The following TFAP2A variants were observed in gnomAD, a reference collection of about 807,000 sequenced individuals.
TFAP2A encodes the protein transcription factor AP-2 alpha.
A neutral mutation model predicts 41.5 loss-of-function variants in TFAP2A; 7 were observed. That is an observed-to-expected ratio of 0.17 (90% CI 0.10 to 0.32). The LOEUF (loss-of-function observed/expected upper bound fraction) is 0.32, where lower values mean the gene tolerates loss of function less well. TFAP2A is among the 10% of genes least tolerant of loss of function. The pLI is 1.00. For missense variants in TFAP2A, 416 were observed against 563.3 expected (o/e 0.74, Z 2.65); for synonymous variants, 247 against 242.8 (o/e 1.02, Z -0.16).
chr6:10,409,759 C>G, intron 2 of TFAP2A, 142 bp downstream of exon 2: 1 of 1,066,142 alleles, frequency 9.4e-7, no homozygotes, highest in Non-Finnish European at 1.4e-6. Flanking sequence ...ACGTCCCTCA[C>G]TCTCCGCCTC....
chr6:10,419,471 G>T (rs1561721127), upstream of TFAP2A: 1 of 1,614,106 alleles, frequency 6.2e-7, no homozygotes, highest in Non-Finnish European at 8.5e-7. Context: ...CGCTCCTGGC[G>T]ACTGGTCCCC....
chr6:10,404,394 G>A (rs1328521625), intron 4 of TFAP2A, 114 bp downstream of exon 4: 3 of 481,234 alleles, frequency 6.2e-6, no homozygotes, highest in Non-Finnish European at 8.7e-6. Context: ...TTCCTTTCCC[G>A]CGTAGGGAGG....
rs554417616 is a variant in TFAP2A, at chr6:10,415,011, T to C, written c.-20A>G. The C allele has an allele frequency of 6.2e-7, 1 of 1,613,978 alleles. No individual in the cohort carries two copies. Among genetic ancestry groups the C allele is most frequent in the Non-Finnish European group, 8.5e-7 (1 of 1,180,028 alleles). ...TTTCATGGATCGGCGTGAACGGATA[T>C]GCCCCTCTCGGTCTCGCACCCAAGT... On this transcript the variant is annotated 5_prime_UTR_variant, in exon 1 of 7. Transcript: ENST00000379613.
At chr6:10,404,939 C>T (rs534422306) in intron 3 of TFAP2A, 200 bp from the exon 4 acceptor site, 3 of 607,254 alleles carry the variant, frequency 4.9e-6, no homozygotes, top group South Asian at 4.0e-5. Context: ...ACCCGGCGGC[C>T]GGGAGGCGGC....
upstream of TFAP2A, chr6:10,415,094 GGAGGAGGAGGGA>G: frequency 6.2e-7 from 1 of 1,609,124 alleles, no homozygotes; most frequent in Non-Finnish European, 8.5e-7. Context: ...CGCAGGAGGA[GGAGGAGGAGGGA>G]GAGGAGGTGG....
At chr6:10,409,839 C>T in intron 2 of TFAP2A, 62 bp downstream of exon 2, 1 of 1,529,688 alleles carries the variant, frequency 6.5e-7, no homozygotes, top group Non-Finnish European at 8.8e-7. Context: ...TCCAGGTATC[C>T]TTTCTGGGGT....
In TFAP2A at chr6:10,398,720, G is replaced by T. The variant is rs781166078; in HGVS notation, c.1032-15C>A. ...TGCATATCTGTCTGCAGCACAAGTG[G>T]AGCAGAGAGAGAGACATAAGGCTCC... On this transcript the variant is annotated splice_polypyrimidine_tract_variant and intron_variant, in intron 6 of 6. Transcript: ENST00000379613. This position sits in a 1 kb window ranked among gnomAD's most constrained non-coding sequence, Gnocchi z 5.3. 2 of 1,613,722 alleles carry T rather than the reference G, an allele frequency of 1.2e-6. No individual in the cohort carries two copies. The highest frequency in any genetic ancestry group is 8.5e-7 in the Non-Finnish European group (1 of 1,179,816).
intron 3 of TFAP2A, 125 bp from the exon 4 acceptor site, chr6:10,404,864 G>T: frequency 1.2e-6 from 1 of 818,018 alleles, no homozygotes. Flanking sequence ...CCGCTTTTCC[G>T]TCCGGCTCTG....
intron 6 of TFAP2A, among the ~76,000 whole-genome samples, chr6:10,399,864 C>T (rs78605333): frequency 0.015 from 2,305 of 152,162 alleles, 60 homozygotes; most frequent in African/African-American, 0.053. Flanking sequence ...TTTGACTTCT[C>T]GCCTGTGGGC....
intron 3 of TFAP2A, 75 bp from the exon 4 acceptor site, chr6:10,404,814 T>C: frequency 7.2e-7 from 1 of 1,386,026 alleles, no homozygotes; most frequent in Middle Eastern, 1.9e-4. Flanking sequence ...CCGGCCCTCA[T>C]CCCGGCCAGG....
At chr6:10,409,723 G>A (rs895580694) in intron 2 of TFAP2A, 178 bp downstream of exon 2, 3 of 712,760 alleles carry the variant, frequency 4.2e-6, no homozygotes, top group African/African-American at 1.8e-5. Flanking sequence ...GGTAGAACTC[G>A]CAACTACTTT....
At chr6:10,401,857 T>A (rs556009936) in intron 5 of TFAP2A, among the ~76,000 whole-genome samples, 1 of 152,236 alleles carries the variant, frequency 6.6e-6, no homozygotes, top group Non-Finnish European at 1.5e-5. Flanking sequence ...AGGATAAGGG[T>A]TGGCTTTTTG....
At chr6:10,419,407 AC>A (rs772007223), upstream of TFAP2A, 16 of 1,612,160 alleles carry the variant, frequency 9.9e-6, no homozygotes, top group East Asian at 6.7e-5. Flanking sequence ...GCCAAGGCAA[AC>A]CCCCCGTACC....
intron 1 of TFAP2A, chr6:10,412,207 G>A (rs576989721): frequency 3.8e-5 from 38 of 987,130 alleles, no homozygotes; most frequent in Non-Finnish European, 9.6e-6. Flanking sequence ...AAGCGAGCGA[G>A]AGAGGGAGCG....
Position 10,398,181 on chromosome 6 carries a change from G to A in TFAP2A, c.*236C>T. On this transcript the variant is annotated 3_prime_UTR_variant, in exon 7 of 7. Transcript: ENST00000379613. This position sits in a 1 kb window ranked among gnomAD's most constrained non-coding sequence, Gnocchi z 5.3. ...CTCCACATGAGGGCACAGGGGTGTG[G>A]GAGCGGGTGGGGAGGTCGAGGCGGG... 1 of 1,442,896 alleles carries A rather than the reference G, an allele frequency of 6.9e-7. No homozygotes were observed. The highest frequency in any genetic ancestry group is 9.1e-7 in the Non-Finnish European group (1 of 1,101,898). 89.4% of individuals were successfully genotyped at this position (1,442,896 alleles called of 1,614,324 possible).
chr6:10,405,014 G>C, intron 3 of TFAP2A: 2 of 545,044 alleles, frequency 3.7e-6, no homozygotes, highest in African/African-American at 1.9e-5. Flanking sequence ...CGCCGTCAAG[G>C]GTGCTCTCTA....
chr6:10,408,115 A>G (rs1757795996), intron 2 of TFAP2A, among the ~76,000 whole-genome samples: 1 of 152,260 alleles, frequency 6.6e-6, no homozygotes. Context: ...TAATGATTAA[A>G]TAATTTTCAC....
chr6:10,415,077 C>T (rs771512288), upstream of TFAP2A: 5 of 1,610,034 alleles, frequency 3.1e-6, no homozygotes, highest in Non-Finnish European at 4.2e-6. Flanking sequence ...TGGCTGCCGG[C>T]GGTGAGCGCA....
intron 2 of TFAP2A, chr6:10,407,227 G>A (rs1244681849): frequency 7.4e-6 from 2 of 270,198 alleles, no homozygotes; most frequent in Admixed American, 1.0e-4. Flanking sequence ...CAATTCCAGT[G>A]TTCAGGCAGC....
Sources: allele counts gnomAD v4.1 joint callset (sites outside exome capture counted in the v4.1 genomes callset), GRCh38; gene constraint gnomAD v4.1.1; non-coding constraint Gnocchi (gnomAD v3.1); transcripts MANE v1.5; gene names NCBI Gene and HGNC (gene_info 2026-07-23, HGNC 2026-07-21).